The following RBPJ variants were observed in gnomAD, a reference collection of about 807,000 sequenced individuals.
The protein encoded by RBPJ is recombining binding protein suppressor of hairless.
RBPJ carries 9 observed loss-of-function variants against 67.8 expected under a neutral mutation model. The observed-to-expected ratio is 0.13, with a 90% CI of 0.08 to 0.23. RBPJ has a LOEUF of 0.23. RBPJ is among the 10% of genes least tolerant of loss of function. The pLI, the probability that RBPJ is intolerant of heterozygous loss-of-function variation, is 1.00. For missense variants in RBPJ, 305 were observed against 595.6 expected (o/e 0.51, Z 5.08); for synonymous variants, 198 against 203.3 (o/e 0.97, Z 0.22).
chr4:26,115,817 A>G, the RBPJ span, among the ~76,000 whole-genome samples: 1 of 152,146 alleles, frequency 6.6e-6, no homozygotes. Flanking sequence ...TTTTTCAGCT[A>G]CCTCTGGGTC....
At chr4:26,111,958 C>A in the RBPJ span, 1 of 212,510 alleles carries the variant, frequency 4.7e-6, no homozygotes, top group Non-Finnish European at 1.0e-5. Flanking sequence ...TCAGAAGATG[C>A]TGTCCAGAGA....
chr4:26,366,277 T>TTTTTGTTTTGTTTTG (rs540662744), intron 1 of RBPJ, among the ~76,000 whole-genome samples: 1 of 152,024 alleles, frequency 6.6e-6, no homozygotes, highest in South Asian at 2.1e-4. Context: ...CAGTAGTTTT[T>TTTTTGTTTTGTTTTG]TTTTGTTTTG....
At chr4:26,397,771 T>C (rs1269476919) in intron 2 of RBPJ, among the ~76,000 whole-genome samples, 1 of 152,152 alleles carries the variant, frequency 6.6e-6, no homozygotes, top group Non-Finnish European at 1.5e-5. Flanking sequence ...GTAGCTGGGA[T>C]TACAGGCGTG....
In RBPJ at chr4:26,201,750, C is replaced by A. The variant is rs146933856; in HGVS notation, c.-167+38136C>A. Among the ~76,000 whole-genome samples the A allele has an allele frequency of 7.4e-3, 1,124 of 152,316 alleles. 64 individuals are homozygous for A. Among genetic ancestry groups the A allele is most frequent in the Admixed American group, 0.069 (1,054 of 15,286 alleles). On this transcript the variant is annotated intron_variant, in intron 1 of 4. Coordinates refer to the RBPJ transcript ENST00000512351. ...TCTAACGTTCTAAACCAAGTTACAC[C>A]TACTTCATGCCCTCCACTCAAAAGA...
At chr4:26,258,649 A>G (rs1010476641) in intron 1 of RBPJ, among the ~76,000 whole-genome samples, 22 of 149,078 alleles carry the variant, frequency 1.5e-4, no homozygotes, top group African/African-American at 5.2e-4. Flanking sequence ...AGCTTCATCA[A>G]ATTCAAGACA....
rs112483479 is a variant in RBPJ, at chr4:26,346,447, C to T, written c.20+25399C>T. The stretch of plus-strand genomic sequence containing the variant: ...AAACTTTCCCCTTGGCAGGTGCCAT[C>T]TTATCTACTCCTTACTGTACACATG... On this transcript the variant is annotated intron_variant, in intron 1 of 10. Transcript: ENST00000355476. 7.2e-5 allele frequency among the ~76,000 whole-genome samples: 11 copies of T among 152,280 alleles called. 1 individual carries two copies. The highest frequency in any genetic ancestry group is 2.6e-4 in the African/African-American group (11 of 41,546).
upstream of RBPJ, among the ~76,000 whole-genome samples, chr4:26,317,357 C>T (rs1722687554): frequency 6.6e-6 from 1 of 151,976 alleles, no homozygotes; most frequent in Admixed American, 6.6e-5. Flanking sequence ...AAAGCAAAGG[C>T]TTGGAGCTGA....
intron 1 of RBPJ, among the ~76,000 whole-genome samples, chr4:26,217,531 G>A (rs114027026): frequency 1.4e-4 from 21 of 152,182 alleles, no homozygotes; most frequent in African/African-American, 3.9e-4. Flanking sequence ...GCCCAATTAC[G>A]TTTCTAGAAT....
At chr4:26,423,383 T>C (rs1323851107) in intron 5 of RBPJ, among the ~76,000 whole-genome samples, 1 of 152,212 alleles carries the variant, frequency 6.6e-6, no homozygotes, top group Non-Finnish European at 1.5e-5. Flanking sequence ...TCTTACTATA[T>C]ATAACTGAGC....
chr4:26,352,898 A>T (rs2109452461), intron 1 of RBPJ, among the ~76,000 whole-genome samples: 1 of 152,246 alleles, frequency 6.6e-6, no homozygotes, highest in East Asian at 1.9e-4. Flanking sequence ...CTAATCCAGC[A>T]TGTAGCCTTC....
At chr4:26,179,760 A>G (rs1165835127) in intron 1 of RBPJ, among the ~76,000 whole-genome samples, 4 of 152,182 alleles carry the variant, frequency 2.6e-5, no homozygotes, top group African/African-American at 9.6e-5. Context: ...CAGTTTGGTG[A>G]TTTCTCAAAG....
At chr4:26,311,709 A>G (rs564474089) in intron 1 of RBPJ, among the ~76,000 whole-genome samples, 3 of 152,162 alleles carry the variant, frequency 2.0e-5, no homozygotes, top group Non-Finnish European at 4.4e-5. Context: ...AAAAGAAACT[A>G]TGTGCCATTA....
intron 1 of RBPJ, among the ~76,000 whole-genome samples, chr4:26,170,047 C>T (rs190957680): frequency 3.3e-5 from 5 of 152,220 alleles, no homozygotes; most frequent in Admixed American, 6.5e-5. Context: ...AATGCCTCAC[C>T]GTGCTTCGGC....
chr4:26,331,365 G>A lies in RBPJ; in HGVS notation c.20+10317G>A, dbSNP rs146163799. Among the ~76,000 whole-genome samples the A allele has an allele frequency of 3.6e-3, 549 of 152,090 alleles. 3 individuals are homozygous for A. Among genetic ancestry groups the A allele is most frequent in the Non-Finnish European group, 5.4e-3 (364 of 67,978 alleles). On this transcript the variant is annotated intron_variant, in intron 1 of 10. Coordinates refer to ENST00000355476, the MANE Select transcript of RBPJ (RefSeq NM_015874.6). ...GCCTTCCAAAGTGCTGGGATTACAA[G>A]TGTGAACCCCTGTACCCAACGTTAT...
At chr4:26,326,792 C>T (rs1032684050) in intron 1 of RBPJ, among the ~76,000 whole-genome samples, 1 of 152,032 alleles carries the variant, frequency 6.6e-6, no homozygotes, top group African/African-American at 2.4e-5. Context: ...AATCAGTTTC[C>T]TCTGGTAACC....
upstream of RBPJ, chr4:26,319,858 A>T (rs771581904): frequency 6.3e-7 from 1 of 1,584,596 alleles, no homozygotes; most frequent in African/African-American, 1.4e-5. Flanking sequence ...GAAAGGAAAG[A>T]GCAAAGGAGG....
At chr4:26,212,436 T>TCTTTC (rs59768179) in intron 1 of RBPJ, among the ~76,000 whole-genome samples, 1 of 105,930 alleles carries the variant, frequency 9.4e-6, no homozygotes, top group Non-Finnish European at 2.0e-5. Flanking sequence ...TCTTTTCTTT[T>TCTTTC]TTTTTTTTTT....
intron 2 of RBPJ, among the ~76,000 whole-genome samples, chr4:26,398,747 C>G (rs963786248): frequency 5.3e-5 from 8 of 152,020 alleles, no homozygotes. Flanking sequence ...CCAAGTAGCT[C>G]AGACTACAGG....
intron 1 of RBPJ, among the ~76,000 whole-genome samples, chr4:26,251,868 A>T (rs1187651542): frequency 6.6e-6 from 1 of 151,070 alleles, no homozygotes; most frequent in East Asian, 1.9e-4. Context: ...AAAAAAAAAA[A>T]AAAAGAAGAG....
Sources: gnomAD v4.1 joint callset for allele counts (sites outside exome capture counted in the v4.1 genomes callset) on GRCh38, gnomAD v4.1.1 for gene constraint, MANE v1.5 for transcripts, NCBI Gene and HGNC (gene_info 2026-07-23, HGNC 2026-07-21) for gene names.